The following PPHLN1 variants were observed in gnomAD, a reference collection of about 807,000 sequenced individuals.
PPHLN1 encodes the protein periphilin 1.
Under a neutral mutation model 51.3 loss-of-function variants are expected in PPHLN1, and 29 were observed. That is an observed-to-expected ratio of 0.57 (90% CI 0.42 to 0.77). The LOEUF is 0.77. Among genes scored for constraint, PPHLN1 ranks in the 30% least tolerant of loss-of-function variants. The pLI is 0.00. For synonymous variants in PPHLN1, 147 were observed against 147.8 expected (o/e 0.99, Z 0.04); for missense variants, 436 against 438.4 (o/e 0.99, Z 0.05).
intron 9 of PPHLN1, chr12:42,432,190 A>G: frequency 1.2e-6 from 1 of 829,996 alleles, no homozygotes; most frequent in Non-Finnish European, 2.2e-6. Context: ...GCTTGTCTTT[A>G]CCCTCAGATT....
chr12:42,421,227 T>A (rs961590843), intron 9 of PPHLN1, among the ~76,000 whole-genome samples: 1 of 152,174 alleles, frequency 6.6e-6, no homozygotes, highest in African/African-American at 2.4e-5. Flanking sequence ...AGTGGTTCTG[T>A]CCTCAAGATA....
rs71084642 is a variant in PPHLN1 at position 42,360,458 on chromosome 12, C to CTTTTTTTTTTTTTTTT, written c.299+5250_299+5265dup. On this transcript the variant is annotated intron_variant, in intron 4 of 9. Coordinates refer to ENST00000358314, the MANE Select transcript of PPHLN1 (RefSeq NM_201439.2). ...ACAGTTCCTGAAGTGATGCTGAATT[C>CTTTTTTTTTTTTTTTT]TTTTTTTTTTTTTTTTTTTTTTTTT... 3.2e-4 allele frequency among the ~76,000 whole-genome samples: 18 copies of CTTTTTTTTTTTTTTTT among 56,292 alleles called. 2 individuals carry two copies. Among genetic ancestry groups the CTTTTTTTTTTTTTTTT allele is most frequent in the East Asian group, 1.3e-3 (2 of 1,504 alleles). 36.9% of individuals were successfully genotyped at this position (56,292 alleles called of 152,430 possible).
At chr12:42,421,756 T>C (rs888281515) in intron 9 of PPHLN1, among the ~76,000 whole-genome samples, 1 of 152,158 alleles carries the variant, frequency 6.6e-6, no homozygotes, top group Non-Finnish European at 1.5e-5. Context: ...GTAGATAGTA[T>C]TTTAATGGGT....
intron 9 of PPHLN1, among the ~76,000 whole-genome samples, chr12:42,406,052 A>G (rs61926588): frequency 0.2 from 30,193 of 150,928 alleles, 3,424 homozygotes; most frequent in African/African-American, 0.31. Context: ...CAAGGTAACT[A>G]CTAAATTGAT....
At chr12:42,361,689 A>G (rs993711602) in intron 4 of PPHLN1, 9 of 152,220 alleles carry the variant, frequency 5.9e-5, no homozygotes, top group Admixed American at 6.5e-5. Flanking sequence ...ATAATAAAGT[A>G]TGCCATTTAC....
At chr12:42,381,613 T>A (rs898353047) in intron 5 of PPHLN1, among the ~76,000 whole-genome samples, 2 of 152,156 alleles carry the variant, frequency 1.3e-5, no homozygotes, top group Non-Finnish European at 2.9e-5. Context: ...TTTTCTCTCA[T>A]TTTTTGGTGT....
intron 3 of PPHLN1, among the ~76,000 whole-genome samples, chr12:42,353,419 G>C (rs540881431): frequency 6.6e-6 from 1 of 152,322 alleles, no homozygotes; most frequent in South Asian, 2.1e-4. Flanking sequence ...GAGGTAAGGT[G>C]ATTTACTTAG....
chr12:42,394,643 T>G (rs2078037288), intron 8 of PPHLN1, among the ~76,000 whole-genome samples: 1 of 152,100 alleles, frequency 6.6e-6, no homozygotes, highest in Admixed American at 6.5e-5. Context: ...CTTTTAGATA[T>G]CGATTGTTCT....
chr12:42,432,850 C>G (rs576995431), intron 9 of PPHLN1, among the ~76,000 whole-genome samples: 1 of 152,358 alleles, frequency 6.6e-6, no homozygotes, highest in South Asian at 2.1e-4. Context: ...GCATCAGCTT[C>G]ATACAAATAC....
intron 9 of PPHLN1, among the ~76,000 whole-genome samples, chr12:42,422,203 A>G (rs1277674905): frequency 1.3e-5 from 2 of 152,246 alleles, no homozygotes; most frequent in East Asian, 1.9e-4. Context: ...CAAACCATAA[A>G]TAATAATTTC....
chr12:42,344,080 A>G (rs2071903459), intron 2 of PPHLN1, among the ~76,000 whole-genome samples: 1 of 152,182 alleles, frequency 6.6e-6, no homozygotes, highest in Admixed American at 6.5e-5. Context: ...TGATGCCAGA[A>G]GTAAAATAAA....
intron 9 of PPHLN1, among the ~76,000 whole-genome samples, chr12:42,434,203 G>A (rs2082286159): frequency 6.6e-6 from 1 of 152,112 alleles, no homozygotes; most frequent in Admixed American, 6.5e-5. Context: ...AATACCACAT[G>A]TTCTCATTTG....
chr12:42,399,503 G>T, intron 9 of PPHLN1: 1 of 812,674 alleles, frequency 1.2e-6, no homozygotes, highest in Non-Finnish European at 1.5e-6. Flanking sequence ...TTCATTTTAT[G>T]AGGATTAAAT....
chr12:42,408,392 T>TA (rs201827286), intron 9 of PPHLN1, among the ~76,000 whole-genome samples: 41 of 151,510 alleles, frequency 2.7e-4, no homozygotes, highest in African/African-American at 8.7e-4. Context: ...TTTTTTTTTT[T>TA]AACATTACTT....
At chr12:42,396,091 G>T (rs866709734) in intron 8 of PPHLN1, among the ~76,000 whole-genome samples, 1 of 152,088 alleles carries the variant, frequency 6.6e-6, no homozygotes, top group Non-Finnish European at 1.5e-5. Flanking sequence ...GAAAAAAAAA[G>T]ATTCTAGTAG....
intron 9 of PPHLN1, among the ~76,000 whole-genome samples, chr12:42,401,610 A>G (rs564261549): frequency 2.0e-5 from 3 of 152,106 alleles, no homozygotes; most frequent in Admixed American, 1.3e-4. Context: ...CGCAGACCCT[A>G]TTGTGAACTG....
At chr12:42,361,227 G>T (rs2074643321) in intron 4 of PPHLN1, 1 of 152,594 alleles carries the variant, frequency 6.6e-6, no homozygotes. Flanking sequence ...ACAATGAGAA[G>T]ACAACCATCG....
chr12:42,423,737 G>A, intron 9 of PPHLN1, among the ~76,000 whole-genome samples: 1 of 151,786 alleles, frequency 6.6e-6, no homozygotes, highest in Non-Finnish European at 1.5e-5. Flanking sequence ...GAGTGCAGTG[G>A]CATGATCTCA....
At chr12:42,398,696 T>C (rs2078510962) in intron 8 of PPHLN1, 158 bp from the exon 9 acceptor site, 1 of 534,182 alleles carries the variant, frequency 1.9e-6, no homozygotes, top group East Asian at 3.0e-5. Flanking sequence ...ATTTCACATA[T>C]GCTCATTATG....
Sources: gnomAD v4.1 joint callset for allele counts (sites outside exome capture counted in the v4.1 genomes callset) on GRCh38, gnomAD v4.1.1 for gene constraint, MANE v1.5 for transcripts, NCBI Gene and HGNC (gene_info 2026-07-23, HGNC 2026-07-21) for gene names.